The following AFAP1L2 variants were observed in gnomAD, a reference collection of about 807,000 sequenced individuals.
AFAP1L2 encodes actin filament-associated protein 1-like 2.
Under a neutral mutation model 99.3 loss-of-function variants are expected in AFAP1L2, and 46 were observed. The observed-to-expected ratio is 0.46, with a 90% confidence interval of 0.37 to 0.59. AFAP1L2 has a LOEUF of 0.59. AFAP1L2 is among the 20% of genes least tolerant of loss of function. The pLI, the probability that AFAP1L2 is intolerant of heterozygous loss-of-function variation, is 0.00. For missense variants in AFAP1L2, 959 were observed against 1,034.9 expected (o/e 0.93, Z 1.01); for synonymous variants, 397 against 419.1 (o/e 0.95, Z 0.64).
At chr10:114,365,732 T>G (rs2053140266) in intron 1 of AFAP1L2, among the ~76,000 whole-genome samples, 1 of 116,242 alleles carries the variant, frequency 8.6e-6, no homozygotes, top group Non-Finnish European at 2.1e-5. Context: ...TCTTTTTTTT[T>G]TTTTTTCTTC....
Position 114,299,360 on chromosome 10 carries a change from C to A in AFAP1L2, c.2013G>T (p.Glu671Asp). Reference protein sequence around the residue: ...TEAEVKRYTEEKERLEKKKEE... With the variant: ...TEAEVKRYTEDKERLEKKKEE... ...CCTTCTTCTTTTCAAGCCTCTCCTT[C>A]TCCTCTGTGTACCGCTTCACCTCAG... Residue 671 changes from glutamate (E) to aspartate (D), a missense_variant, in exon 16 of 19, where the codon GAG (glutamate) becomes GAT (aspartate). Physicochemically the swap from Glu to Asp is conservative, Grantham distance 45. This residue lies in a region of AFAP1L2 where 576 missense variants were observed against 562.1 expected (regional missense o/e 1.02). Transcript: ENST00000304129. 1 of 1,614,210 alleles carries A rather than the reference C, an allele frequency of 6.2e-7. No homozygotes were observed. Among genetic ancestry groups the A allele is most frequent in the Non-Finnish European group, 8.5e-7 (1 of 1,180,028 alleles).
At chr10:114,315,120 G>A (rs949630781) in intron 6 of AFAP1L2, among the ~76,000 whole-genome samples, 6 of 152,102 alleles carry the variant, frequency 3.9e-5, no homozygotes, top group Admixed American at 6.5e-5. Context: ...CAGCCTGGGC[G>A]ACAGAGCAAG....
chr10:114,296,888 A>T, intron 18 of AFAP1L2, 90 bp downstream of exon 18: 1 of 1,603,740 alleles, frequency 6.2e-7, no homozygotes, highest in South Asian at 1.1e-5. Flanking sequence ...TGGTGCCAAA[A>T]GCCACAAAGC....
intron 8 of AFAP1L2, among the ~76,000 whole-genome samples, chr10:114,308,927 T>C (rs2042813911): frequency 6.6e-6 from 1 of 152,196 alleles, no homozygotes; most frequent in Non-Finnish European, 1.5e-5. Context: ...GGCCGGAGCA[T>C]TCTGCTGCCA....
chr10:114,372,972 G>T (rs769953120), intron 1 of AFAP1L2, among the ~76,000 whole-genome samples: 1 of 152,188 alleles, frequency 6.6e-6, no homozygotes, highest in East Asian at 1.9e-4. Flanking sequence ...TACCAGCTAC[G>T]TGGTATTCCA....
intron 1 of AFAP1L2, among the ~76,000 whole-genome samples, chr10:114,387,962 A>T (rs1326349601): frequency 6.6e-6 from 1 of 152,154 alleles, no homozygotes; most frequent in African/African-American, 2.4e-5. Context: ...AAGTACAGGC[A>T]TCCTTCATGT....
intron 1 of AFAP1L2, among the ~76,000 whole-genome samples, chr10:114,385,653 C>T (rs375602579): frequency 1.1e-4 from 17 of 152,236 alleles, no homozygotes; most frequent in African/African-American, 3.4e-4. Flanking sequence ...CTCCCTGCCC[C>T]CACACCCCAT....
intron 3 of AFAP1L2, 80 bp from the exon 4 acceptor site, chr10:114,331,977 C>A: frequency 2.2e-6 from 2 of 908,698 alleles, no homozygotes; most frequent in South Asian, 1.0e-4. Context: ...AATGCCCGGT[C>A]ACATGCACCC....
chr10:114,310,428 T>C lies in AFAP1L2; in HGVS notation c.808A>G (p.Ser270Gly), dbSNP rs1008981330. 2.5e-6 allele frequency: 4 copies of C among 1,613,824 alleles called. No homozygotes were observed. Among genetic ancestry groups the C allele is most frequent in the Admixed American group, 1.7e-5 (1 of 59,976 alleles). Residue 270 changes from serine (S) to glycine (G), a missense_variant, in exon 8 of 19, where the codon AGC (serine) becomes GGC (glycine). Transcript: ENST00000304129. ...GATGCTCCTTCGGAAGGCAGGCCGC[T>C]CACTTCCTGGATGACCTGAGGCAAG... is the stretch of plus-strand genomic sequence containing the variant. ...EQWLRVIQEV[S>G]GLPSEGASEG...
the AFAP1L2 span, chr10:114,289,791 C>A: frequency 1.6e-5 from 7 of 432,550 alleles, no homozygotes; most frequent in Admixed American, 3.5e-5. Flanking sequence ...TCCTAAGGGT[C>A]TAAAGATCCC....
chr10:114,298,300 C>T (rs138068590), intron 16 of AFAP1L2, among the ~76,000 whole-genome samples: 6,376 of 152,136 alleles, frequency 0.042, 443 homozygotes, highest in African/African-American at 0.14. Flanking sequence ...ATCGCTTGAA[C>T]CCAGGAGGCA....
rs571636560 is a variant in AFAP1L2 at position 114,321,246 on chromosome 10, C to T, written c.406+1925G>A. Among the ~76,000 whole-genome samples, 17 of 152,160 alleles carry T rather than the reference C, an allele frequency of 1.1e-4. 1 individual carries two copies. In the South Asian group the frequency reaches 3.3e-3, roughly 30 times the overall value. ...CTGTACCGAATATGTAGTCTTTTAT[C>T]CCTCACCCCCACTCCCAATCTTCCC... On this transcript the variant is annotated intron_variant, in intron 5 of 18. Transcript: ENST00000304129.
intron 5 of AFAP1L2, among the ~76,000 whole-genome samples, chr10:114,319,999 A>G (rs1262709978): frequency 1.3e-5 from 2 of 152,166 alleles, no homozygotes; most frequent in Non-Finnish European, 2.9e-5. Context: ...GCGTCCCTCG[A>G]GGGTGGCCGA....
intron 1 of AFAP1L2, among the ~76,000 whole-genome samples, chr10:114,358,758 T>C (rs2051769255): frequency 2.0e-5 from 3 of 151,828 alleles, no homozygotes; most frequent in African/African-American, 7.3e-5. Context: ...CTACTAAAAA[T>C]ACAAAAATTA....
chr10:114,302,465 A>G lies in AFAP1L2; in HGVS notation c.1304T>C (p.Met435Thr). ...GAGCAGGAGACCCAGCCAGTGGCCCATTTCCTCGGAAGACTTGGCCTGGAA... is the reference window on the plus strand; with the variant it reads ...GAGCAGGAGACCCAGCCAGTGGCCCGTTTCCTCGGAAGACTTGGCCTGGAA... Reference protein sequence around the residue: ...AKLEAKSSEEMGHWLGLLLSE... With the variant: ...AKLEAKSSEETGHWLGLLLSE... The change falls in exon 12 of 19, where the codon ATG becomes ACG. Residue 435 changes from methionine to threonine, a missense_variant. Physicochemically the swap from Met to Thr is moderately conservative, Grantham distance 81 (BLOSUM62 -1). This residue lies in a region of AFAP1L2 where 576 missense variants were observed against 562.1 expected (regional missense o/e 1.02). Coordinates refer to ENST00000304129, the MANE Select transcript of AFAP1L2 (RefSeq NM_001001936.3). 8 of 1,614,038 alleles carry G rather than the reference A, an allele frequency of 5.0e-6. No individual in the cohort carries two copies. The highest frequency in any genetic ancestry group is 6.8e-6 in the Non-Finnish European group (8 of 1,179,992).
chr10:114,305,971 G>A (rs1307702655), intron 10 of AFAP1L2, among the ~76,000 whole-genome samples: 5 of 104,216 alleles, frequency 4.8e-5, no homozygotes, highest in East Asian at 3.4e-4. Flanking sequence ...GGGGGTGCAG[G>A]TACAGGAGGG....
chr10:114,366,614 TAAG>T (rs915924576), intron 1 of AFAP1L2, among the ~76,000 whole-genome samples: 28 of 152,342 alleles, frequency 1.8e-4, no homozygotes, highest in Middle Eastern at 3.4e-3. Context: ...TCTTATCTGA[TAAG>T]AAGAAACCTA....
chr10:114,305,661 GGATGCA>G, intron 10 of AFAP1L2, among the ~76,000 whole-genome samples: 1 of 147,336 alleles, frequency 6.8e-6, no homozygotes, highest in Non-Finnish European at 1.5e-5. Context: ...ATGCAGGAGG[GGATGCA>G]GGTGCAGGAG....
the AFAP1L2 span, chr10:114,289,214 A>C: frequency 1.2e-6 from 2 of 1,613,812 alleles, no homozygotes; most frequent in Non-Finnish European, 1.7e-6. Context: ...GCCCTGCTGC[A>C]CATCTATGAC....
Sources: gnomAD v4.1 joint callset for allele counts (sites outside exome capture counted in the v4.1 genomes callset) on GRCh38, gnomAD v4.1.1 for gene constraint, gnomAD v4.1.1 regional missense constraint, MANE v1.5 for transcripts, NCBI Gene and HGNC (gene_info 2026-07-23, HGNC 2026-07-21) for gene names.